The following CCDC187 variants were observed in gnomAD, a reference collection of about 807,000 sequenced individuals.
CCDC187 encodes coiled-coil domain-containing protein 187.
CCDC187 carries 32 observed loss-of-function variants against 38.0 expected under a neutral mutation model. The observed-to-expected ratio is 0.84, with a 90% CI of 0.64 to 1.13. The LOEUF is 1.13. CCDC187 is among the 50% of genes most tolerant of loss of function. CCDC187 has a pLI of 0.00. For synonymous variants in CCDC187, 333 were observed against 347.9 expected (o/e 0.96, Z 0.48); for missense variants, 707 against 786.8 (o/e 0.90, Z 1.21).
At chr9:136,269,120 G>A (rs1830797999) in intron 14 of CCDC187, among the ~76,000 whole-genome samples, 1 of 152,222 alleles carries the variant, frequency 6.6e-6, no homozygotes, top group Non-Finnish European at 1.5e-5. Flanking sequence ...TGGGACAGAA[G>A]CGTTCCGGGG....
At chr9:136,299,371 C>T (rs893142445) in intron 3 of CCDC187, among the ~76,000 whole-genome samples, 18 of 152,318 alleles carry the variant, frequency 1.2e-4, no homozygotes, top group South Asian at 8.3e-4. Flanking sequence ...CCCACCCGGC[C>T]GGCACTGCAC....
chr9:136,293,347 ATGCT>A (rs1831404969), intron 4 of CCDC187, among the ~76,000 whole-genome samples: 5 of 145,486 alleles, frequency 3.4e-5, no homozygotes, highest in African/African-American at 1.3e-4. Context: ...TCACACTCAC[ATGCT>A]CACACACATT....
intron 16 of CCDC187, 134 bp downstream of exon 16, chr9:136,267,248 CTT>C (rs1488035757): frequency 4.4e-6 from 2 of 449,768 alleles, no homozygotes; most frequent in Non-Finnish European, 5.8e-6. Flanking sequence ...ACCAGTACCT[CTT>C]GTTTCTCAAA....
chr9:136,272,929 C>T (rs1418513405), intron 14 of CCDC187, among the ~76,000 whole-genome samples: 4 of 152,024 alleles, frequency 2.6e-5, no homozygotes, highest in Admixed American at 6.5e-5. Flanking sequence ...ACTTAAAGGC[C>T]AGGAAAGAAG....
intron 20 of CCDC187, 34 bp downstream of exon 20, chr9:136,260,085 C>G: frequency 1.0e-6 from 1 of 985,454 alleles, no homozygotes; most frequent in Non-Finnish European, 1.2e-6. Context: ...GAGCATCCGT[C>G]TGACCCTGGG....
Position 136,262,438 on chromosome 9 carries a change from C to T in CCDC187, c.3937G>A (p.Ala1313Thr), listed in dbSNP as rs1395462149. Residue 1313 changes from alanine (A) to threonine (T), a missense_variant, in exon 19 of 26, where the codon GCC becomes ACC. Ala to Thr is a moderately conservative substitution (Grantham distance 58, BLOSUM62 0). Transcript: ENST00000638797. ...QQGSSPKVKAAWEGGSETSQQ... is the reference protein window; with the variant it reads ...QQGSSPKVKATWEGGSETSQQ... ...CTTGTCTCTGAGCCTCCCTCCCAGG[C>T]GGCCTTGACTTTGGGGCTGGAACCC... The T allele has an allele frequency of 2.0e-5, 20 of 985,818 alleles. No individual in the cohort carries two copies. Among genetic ancestry groups the T allele is most frequent in the South Asian group, 1.9e-4 (4 of 21,336 alleles). The allele number at this position is 985,818 out of a possible 1,614,324, so 61.1% of individuals were successfully genotyped here.
In CCDC187 at chr9:136,250,129, G is replaced by C. The variant is rs1416539036; in HGVS notation, c.*3465C>G. The C allele has an allele frequency of 6.4e-6, 1 of 156,658 alleles. No homozygotes were observed. The highest frequency in any genetic ancestry group is 1.4e-5 in the Non-Finnish European group (1 of 70,552). The allele number at this position is 156,658 out of a possible 1,614,324, so 9.7% of individuals were successfully genotyped here. A position where few individuals can be genotyped will look rare whatever the true frequency, so the allele number is the denominator to read the frequency against. On this transcript the variant is annotated 3_prime_UTR_variant, in exon 26 of 26. Transcript: ENST00000638797. ...AAGCCCTCCGCTCTGTATATGTCCT[G>C]TTGGGAGATTAAATGCGTTTACACC...
At chr9:136,267,837 A>C in intron 15 of CCDC187, 1 of 984,650 alleles carries the variant, frequency 1.0e-6, no homozygotes, top group Non-Finnish European at 1.2e-6. Flanking sequence ...CCATGTTGAA[A>C]TGCCTGCCCC....
chr9:136,294,098 A>AC (rs1831470336), intron 4 of CCDC187, among the ~76,000 whole-genome samples: 1 of 140,606 alleles, frequency 7.1e-6, no homozygotes. Flanking sequence ...ACACGCCCTC[A>AC]AGTGCTCACA....
Position 136,267,351 on chromosome 9 carries a change from G to GGGGCTACAGCAGGGCGGGGCTACAGCA in CCDC187, c.3647+32_3647+33insTGCTGTAGCCCCGCCCTGCTGTAGCCC, listed in dbSNP as rs1261831836. ...GGCTACAGCAGGGCGGGGCTACGGC[G>GGGGCTACAGCAGGGCGGGGCTACAGCA]GGGCGGGGCCGGCGCCAGGCGCATG... On this transcript the variant is annotated intron_variant, in intron 16 of 25. Coordinates refer to ENST00000638797, the MANE Select transcript of CCDC187 (RefSeq NM_001378188.1). 4.1e-6 allele frequency: 4 copies of GGGGCTACAGCAGGGCGGGGCTACAGCA among 982,982 alleles called. No homozygotes were observed. The African/African-American group carries it at 7.1e-5, about 17-fold the overall frequency. The allele number at this position is 982,982 out of a possible 1,614,324, so 60.9% of individuals were successfully genotyped here.
chr9:136,289,911 CCCCAAGGCCCCG>C, intron 7 of CCDC187, 36 bp downstream of exon 7: 1 of 391,730 alleles, frequency 2.6e-6, no homozygotes, highest in Non-Finnish European at 4.5e-6. Flanking sequence ...TCTTGGCCCC[CCCCAAGGCCCCG>C]CCCGGCATGT....
chr9:136,259,469 A>G (rs1337451367), intron 20 of CCDC187, 21 bp from the exon 21 acceptor site: 1 of 981,586 alleles, frequency 1.0e-6, no homozygotes, highest in Non-Finnish European at 1.2e-6. Context: ...CAATCCCAGG[A>G]GTCACCAGCA....
At chr9:136,260,296 C>A (rs1682310879) in intron 19 of CCDC187, 32 bp from the exon 20 acceptor site, 1 of 984,586 alleles carries the variant, frequency 1.0e-6, no homozygotes, top group African/African-American at 1.8e-5. Flanking sequence ...AGGTGACCGC[C>A]CGCCCGGCTG....
At chr9:136,275,124 A>G (rs1393877694) in intron 12 of CCDC187, 117 bp from the exon 13 acceptor site, 7 of 152,342 alleles carry the variant, frequency 4.6e-5, no homozygotes, top group African/African-American at 1.7e-4. Context: ...AAGCTGGGCA[A>G]GTCTCCAACC....
intron 2 of CCDC187, among the ~76,000 whole-genome samples, chr9:136,301,288 G>A (rs952462549): frequency 6.6e-5 from 10 of 151,998 alleles, no homozygotes; most frequent in South Asian, 2.1e-4. Context: ...ACCTCCCACC[G>A]CTACGAAAAC....
intron 7 of CCDC187, among the ~76,000 whole-genome samples, chr9:136,288,687 G>T (rs1354794015): frequency 6.6e-6 from 1 of 152,240 alleles, no homozygotes. Context: ...GTTGGGGGAG[G>T]TCTTCAGACC....
rs545271441 is a variant in CCDC187, at chr9:136,250,562, CA to C, written c.*3031del. 2.9e-6 allele frequency: 1 copy of C among 347,734 alleles called. No homozygotes were observed. The highest frequency in any genetic ancestry group is 5.7e-6 in the Non-Finnish European group (1 of 175,054). 21.5% of individuals were successfully genotyped at this position (347,734 alleles called of 1,614,324 possible). ...CAATAAATGGAAAAAAATAAAAAAT[CA>C]CAGACTAATTTGTTCAGAAGACTAG... On this transcript the variant is annotated 3_prime_UTR_variant, in exon 26 of 26. Transcript: ENST00000638797.
chr9:136,279,924 T>TTCTCGCCCTCTCTCCC (rs1554763444), intron 10 of CCDC187, among the ~76,000 whole-genome samples: 1 of 152,122 alleles, frequency 6.6e-6, no homozygotes, highest in African/African-American at 2.4e-5. Flanking sequence ...TCCTCTCTCC[T>TTCTCGCCCTCTCTCCC]TCTCGCCCTC....
chr9:136,300,380 A>G (rs1444344171), intron 2 of CCDC187, 62 bp from the exon 3 acceptor site: 1 of 397,704 alleles, frequency 2.5e-6, no homozygotes, highest in East Asian at 3.6e-5. Flanking sequence ...AACTTCCAAG[A>G]AAAGGTTCCA....
Sources: gnomAD v4.1 joint callset for allele counts (sites outside exome capture counted in the v4.1 genomes callset) on GRCh38, gnomAD v4.1.1 for gene constraint, MANE v1.5 for transcripts, NCBI Gene and HGNC (gene_info 2026-07-23, HGNC 2026-07-21) for gene names.